The following SPTLC3 variants were observed in gnomAD, a reference collection of about 807,000 sequenced individuals.
SPTLC3 encodes the protein serine palmitoyltransferase long chain base subunit 3.
A neutral mutation model predicts 59.3 loss-of-function variants in SPTLC3; 36 were observed. The observed-to-expected ratio is 0.61, with a 90% CI of 0.47 to 0.80. The LOEUF is 0.80. Among genes scored for constraint, SPTLC3 ranks in the 30% least tolerant of loss-of-function variants. The pLI, the probability that SPTLC3 is intolerant of heterozygous loss-of-function variation, is 0.00. For missense variants in SPTLC3, 625 were observed against 685.1 expected, an observed-to-expected ratio of 0.91 and a Z score of 0.98; for synonymous variants, 257 against 240.8, an observed-to-expected ratio of 1.07 and a Z score of -0.62.
chr20:13,113,194 C>CA (rs1350648066), intron 7 of SPTLC3, among the ~76,000 whole-genome samples: 3 of 151,962 alleles, frequency 2.0e-5, no homozygotes, highest in South Asian at 4.2e-4. Context: ...ACAACAACAA[C>CA]AACAAAAAAT....
chr20:13,040,878 T>G (rs1986953242), intron 1 of SPTLC3, among the ~76,000 whole-genome samples: 1 of 152,208 alleles, frequency 6.6e-6, no homozygotes. Context: ...GGTTGACTTC[T>G]TAAAATATTT....
chr20:13,094,993 G>T (rs1989362280), intron 6 of SPTLC3, among the ~76,000 whole-genome samples: 1 of 152,160 alleles, frequency 6.6e-6, no homozygotes, highest in South Asian at 2.1e-4. Context: ...AATTCTTTCA[G>T]TTCTGCCTGA....
At chr20:13,123,047 T>C (rs1410324519) in intron 8 of SPTLC3, among the ~76,000 whole-genome samples, 5 of 152,120 alleles carry the variant, frequency 3.3e-5, no homozygotes, top group Non-Finnish European at 7.3e-5. Flanking sequence ...TTAACAATAC[T>C]CGGCCAGGCG....
intron 6 of SPTLC3, among the ~76,000 whole-genome samples, chr20:13,106,255 T>C (rs1989889931): frequency 1.3e-5 from 2 of 152,164 alleles, no homozygotes; most frequent in Non-Finnish European, 2.9e-5. Flanking sequence ...GAAAAGAACA[T>C]TGATGCAATT....
At chr20:13,065,706 TCTC>T (rs34019765) in intron 2 of SPTLC3, among the ~76,000 whole-genome samples, 61,795 of 151,398 alleles carry the variant, frequency 0.41, 12,688 homozygotes, top group Middle Eastern at 0.56. Context: ...TTTAAATACT[TCTC>T]CTTTTATACT....
chr20:13,023,548 A>T (rs1176610003), intron 1 of SPTLC3, among the ~76,000 whole-genome samples: 1 of 152,194 alleles, frequency 6.6e-6, no homozygotes, highest in Admixed American at 6.5e-5. Flanking sequence ...CTAGATCTCT[A>T]AAAGACTAAG....
intron 9 of SPTLC3, among the ~76,000 whole-genome samples, chr20:13,137,558 GT>G (rs1455338171): frequency 1.3e-5 from 2 of 152,052 alleles, no homozygotes; most frequent in African/African-American, 4.8e-5. Context: ...TGAGTGTTCT[GT>G]TCCTTCATTG....
chr20:13,069,129 C>T (rs922665629), intron 2 of SPTLC3, among the ~76,000 whole-genome samples: 5 of 152,300 alleles, frequency 3.3e-5, no homozygotes, highest in African/African-American at 9.6e-5. Flanking sequence ...GACACTCCTA[C>T]TATATATAGT....
At chr20:13,021,202 T>C (rs1355099815) in intron 1 of SPTLC3, among the ~76,000 whole-genome samples, 2 of 152,172 alleles carry the variant, frequency 1.3e-5, no homozygotes, top group Non-Finnish European at 2.9e-5. Flanking sequence ...TATCACTAGC[T>C]TTTCCTATGC....
At chr20:13,092,101 G>C (rs1358136798) in intron 5 of SPTLC3, among the ~76,000 whole-genome samples, 2 of 152,176 alleles carry the variant, frequency 1.3e-5, no homozygotes, top group Non-Finnish European at 2.9e-5. Flanking sequence ...TGCAATGTCT[G>C]TGCAAAAGTG....
At chr20:13,050,073 C>A in intron 2 of SPTLC3, 1 of 152,174 alleles carries the variant, frequency 6.6e-6, no homozygotes, top group South Asian at 2.1e-4. Flanking sequence ...GCAATGGATC[C>A]AAACCAAGAA....
chr20:13,150,371 T>G (rs1455486115), intron 9 of SPTLC3, among the ~76,000 whole-genome samples: 2 of 152,194 alleles, frequency 1.3e-5, no homozygotes, highest in African/African-American at 4.8e-5. Flanking sequence ...AGCATATATA[T>G]ATACACAGAT....
At chr20:13,124,946 G>A (rs182552820) in intron 8 of SPTLC3, among the ~76,000 whole-genome samples, 1 of 152,190 alleles carries the variant, frequency 6.6e-6, no homozygotes, top group Non-Finnish European at 1.5e-5. Context: ...AAGACATAGC[G>A]AAGACACCTG....
At chr20:13,125,141 C>T (rs1177890312) in intron 8 of SPTLC3, among the ~76,000 whole-genome samples, 2 of 152,178 alleles carry the variant, frequency 1.3e-5, no homozygotes, top group African/African-American at 4.8e-5. Flanking sequence ...CCCAACTGAG[C>T]ACCTGCAGAT....
At chr20:13,143,257 C>G (rs976631537) in intron 9 of SPTLC3, among the ~76,000 whole-genome samples, 1 of 152,134 alleles carries the variant, frequency 6.6e-6, no homozygotes, top group Non-Finnish European at 1.5e-5. Context: ...TTTTAGAGAG[C>G]AAATCCAAGT....
At chr20:13,094,692 T>G (rs1403852958) in intron 6 of SPTLC3, among the ~76,000 whole-genome samples, 2 of 152,178 alleles carry the variant, frequency 1.3e-5, no homozygotes, top group Admixed American at 6.5e-5. Context: ...TATTCTCAAG[T>G]GAACCCCCTT....
intron 4 of SPTLC3, among the ~76,000 whole-genome samples, chr20:13,090,431 G>A (rs1989172435): frequency 6.6e-6 from 1 of 152,100 alleles, no homozygotes; most frequent in Admixed American, 6.6e-5. Flanking sequence ...GAAATCATGG[G>A]ATCTGTTTTG....
intron 11 of SPTLC3, among the ~76,000 whole-genome samples, chr20:13,161,179 G>A (rs772533444): frequency 2.6e-5 from 4 of 152,216 alleles, no homozygotes; most frequent in Non-Finnish European, 5.9e-5. Context: ...TATGTGGGAA[G>A]AGAGAATCAA....
chr20:13,077,406 T>C (rs1321128321), intron 4 of SPTLC3, among the ~76,000 whole-genome samples: 1 of 151,998 alleles, frequency 6.6e-6, no homozygotes, highest in African/African-American at 2.4e-5. Context: ...ATGCTAAACC[T>C]TAAAACATAT....
Sources: allele counts gnomAD v4.1 joint callset (sites outside exome capture counted in the v4.1 genomes callset), GRCh38; gene constraint gnomAD v4.1.1; transcripts MANE v1.5; gene names NCBI Gene and HGNC (gene_info 2026-07-23, HGNC 2026-07-21).